The following PCDH7 variants were observed in gnomAD, a reference collection of about 807,000 sequenced individuals.
PCDH7 encodes protocadherin 7.
A neutral mutation model predicts 58.9 loss-of-function variants in PCDH7; 17 were observed. That is an observed-to-expected ratio of 0.29 (90% CI 0.20 to 0.43). The LOEUF (loss-of-function observed/expected upper bound fraction) is 0.43, where lower values mean the gene tolerates loss of function less well. PCDH7 is among the 20% of genes least tolerant of loss of function. The pLI, the probability that PCDH7 is intolerant of heterozygous loss-of-function variation, is 1.00. For missense variants in PCDH7, 1,274 were observed against 1,441.0 expected, an observed-to-expected ratio of 0.88 and a Z score of 1.88; for synonymous variants, 664 against 616.4, an observed-to-expected ratio of 1.08 and a Z score of -1.14.
chr4:31,026,735 A>C (rs1754464456), intron 3 of PCDH7, among the ~76,000 whole-genome samples: 1 of 151,456 alleles, frequency 6.6e-6, no homozygotes, highest in Non-Finnish European at 1.5e-5. Flanking sequence ...ATGTTGCACT[A>C]TTTGGCTTTC....
intron 1 of PCDH7, among the ~76,000 whole-genome samples, chr4:30,741,425 G>A (rs1032176): frequency 0.37 from 55,448 of 151,774 alleles, 12,535 homozygotes; most frequent in Middle Eastern, 0.5. Context: ...AACTCCTGAT[G>A]TTAAGCCATC....
At chr4:30,876,491 T>G (rs551566705) in intron 1 of PCDH7, among the ~76,000 whole-genome samples, 1 of 152,216 alleles carries the variant, frequency 6.6e-6, no homozygotes, top group Admixed American at 6.6e-5. Context: ...ATAGTACAGA[T>G]GCATTCATTA....
intron 3 of PCDH7, among the ~76,000 whole-genome samples, chr4:31,074,544 A>T (rs1255291595): frequency 1.3e-5 from 2 of 151,880 alleles, no homozygotes; most frequent in Non-Finnish European, 2.9e-5. Context: ...GCACTCTCAG[A>T]GGCCAAGGAG....
intron 3 of PCDH7, among the ~76,000 whole-genome samples, chr4:31,119,902 C>T (rs573597476): frequency 6.6e-6 from 1 of 151,746 alleles, no homozygotes; most frequent in South Asian, 2.1e-4. Context: ...GCCCACTCGC[C>T]TAAGTCCACA....
chr4:30,728,603 A>G (rs1714994945), intron 1 of PCDH7, among the ~76,000 whole-genome samples: 1 of 151,774 alleles, frequency 6.6e-6, no homozygotes, highest in East Asian at 1.9e-4. Context: ...AATAAGGAAA[A>G]GGTCATCCAT....
At chr4:31,102,036 T>G (rs544472883) in intron 3 of PCDH7, among the ~76,000 whole-genome samples, 2 of 152,350 alleles carry the variant, frequency 1.3e-5, no homozygotes, top group East Asian at 3.9e-4. Context: ...TATTAATGTT[T>G]TCATATCTTC....
At chr4:31,145,253 C>T (rs1181095670), downstream of PCDH7, 1 of 151,964 alleles carries the variant, frequency 6.6e-6, no homozygotes, top group African/African-American at 2.4e-5. Context: ...AACTCGTGAA[C>T]CTCTCTTTAA....
At chr4:30,810,929 C>T (rs992238336) in intron 1 of PCDH7, among the ~76,000 whole-genome samples, 1 of 152,106 alleles carries the variant, frequency 6.6e-6, no homozygotes, top group African/African-American at 2.4e-5. Context: ...TTTTCTAATT[C>T]CTTTTCTGTA....
At chr4:30,747,314 T>G (rs1717910469) in intron 1 of PCDH7, among the ~76,000 whole-genome samples, 1 of 152,226 alleles carries the variant, frequency 6.6e-6, no homozygotes, top group African/African-American at 2.4e-5. Flanking sequence ...TTTTATTCAT[T>G]TATTAGCTTC....
At chr4:31,025,266 T>C (rs566345847) in intron 3 of PCDH7, among the ~76,000 whole-genome samples, 8 of 152,332 alleles carry the variant, frequency 5.3e-5, no homozygotes, top group Admixed American at 4.6e-4. Context: ...ACATGTTGAA[T>C]TTAACATCTT....
intron 1 of PCDH7, among the ~76,000 whole-genome samples, chr4:30,915,517 CTGT>C (rs927402829): frequency 7.9e-5 from 12 of 152,060 alleles, no homozygotes; most frequent in African/African-American, 1.9e-4. Context: ...ATTCTCACCT[CTGT>C]TGTTGTTGTT....
intron 1 of PCDH7, among the ~76,000 whole-genome samples, chr4:30,895,266 C>T (rs899199859): frequency 5.3e-5 from 8 of 151,552 alleles, no homozygotes; most frequent in African/African-American, 1.9e-4. Flanking sequence ...CATGTAACCG[C>T]ATGTATGTTT....
At chr4:30,981,376 C>T (rs1750553397) in intron 3 of PCDH7, among the ~76,000 whole-genome samples, 1 of 152,056 alleles carries the variant, frequency 6.6e-6, no homozygotes, top group Admixed American at 6.5e-5. Flanking sequence ...TGTTGGGAAC[C>T]ATATTTCATA....
chr4:30,730,845 C>G, exon 2 of PCDH7: 8 of 1,534,286 alleles, frequency 5.2e-6, no homozygotes, highest in East Asian at 2.4e-5. Flanking sequence ...CTTTCTACTC[C>G]GAAACCTGCT....
At chr4:30,746,345 G>T (rs1167400398) in intron 1 of PCDH7, among the ~76,000 whole-genome samples, 1 of 152,104 alleles carries the variant, frequency 6.6e-6, no homozygotes, top group Admixed American at 6.6e-5. Flanking sequence ...ATTCAATCTG[G>T]TTTTTGCAAG....
chr4:30,965,329 C>A (rs1748906921), intron 3 of PCDH7, among the ~76,000 whole-genome samples: 1 of 152,034 alleles, frequency 6.6e-6, no homozygotes, highest in South Asian at 2.1e-4. Flanking sequence ...GTTAAAAAAT[C>A]TGTAGTTTTA....
chr4:30,887,073 A>G (rs1233773475), intron 1 of PCDH7, among the ~76,000 whole-genome samples: 1 of 151,362 alleles, frequency 6.6e-6, no homozygotes, highest in Non-Finnish European at 1.5e-5. Flanking sequence ...TGGCACATGT[A>G]TACATATGTA....
At chr4:31,056,130 A>C (rs1757143913) in intron 3 of PCDH7, among the ~76,000 whole-genome samples, 1 of 151,974 alleles carries the variant, frequency 6.6e-6, no homozygotes. Flanking sequence ...ATACTTCGGG[A>C]GTCTGAGGCA....
chr4:30,941,777 G>A (rs1746063362), intron 2 of PCDH7, among the ~76,000 whole-genome samples: 1 of 151,856 alleles, frequency 6.6e-6, no homozygotes, highest in African/African-American at 2.4e-5. Flanking sequence ...CTAATACTAA[G>A]TTTAGCTATT....
Sources: gnomAD v4.1 joint callset for allele counts (sites outside exome capture counted in the v4.1 genomes callset) on GRCh38, gnomAD v4.1.1 for gene constraint, MANE v1.5 for transcripts, NCBI Gene and HGNC (gene_info 2026-07-23, HGNC 2026-07-21) for gene names.